PIP5K1B: variants seen among roughly 807,000 people sequenced by gnomAD.
The protein encoded by PIP5K1B is phosphatidylinositol 4-phosphate 5-kinase type-1 beta.
A neutral mutation model predicts 67.0 loss-of-function variants in PIP5K1B; 42 were observed. That is an observed-to-expected ratio of 0.63 (90% CI 0.49 to 0.81). PIP5K1B has a LOEUF of 0.81. PIP5K1B is among the 30% of genes least tolerant of loss of function. The pLI is 0.00. For missense variants in PIP5K1B, 459 were observed against 646.3 expected, an observed-to-expected ratio of 0.71 and a Z score of 3.14; for synonymous variants, 214 against 231.4, an observed-to-expected ratio of 0.92 and a Z score of 0.68.
rs770595201 is a variant in PIP5K1B at position 68,983,359 on chromosome 9, G to A, written c.1503-7781G>A. On this transcript the variant is annotated intron_variant, in intron 14 of 15. Coordinates refer to ENST00000265382, the MANE Select transcript of PIP5K1B (RefSeq NM_003558.4). ...AGGGCTTGATAAGTGTCCTGTGGAG[G>A]ATGTGGCTCATGCCTGAGATCCTAT... Among the ~76,000 whole-genome samples the A allele has an allele frequency of 2.0e-5, 3 of 152,290 alleles. No individual in the cohort carries two copies. In the East Asian group the frequency reaches 5.8e-4, roughly 29 times the overall value.
intron 2 of PIP5K1B, among the ~76,000 whole-genome samples, chr9:68,809,743 C>G (rs896447467): frequency 1.3e-5 from 2 of 152,292 alleles, no homozygotes; most frequent in Admixed American, 1.3e-4. Flanking sequence ...GCAAACGGCT[C>G]TAAGTCCAAT....
intron 14 of PIP5K1B, among the ~76,000 whole-genome samples, chr9:68,961,424 A>T (rs1828740886): frequency 6.6e-6 from 1 of 152,240 alleles, no homozygotes. Flanking sequence ...ATATACTTTA[A>T]AGCAACTAAT....
chr9:68,711,872 A>G (rs1263498927), intron 1 of PIP5K1B, among the ~76,000 whole-genome samples: 1 of 152,230 alleles, frequency 6.6e-6, no homozygotes, highest in Non-Finnish European at 1.5e-5. Context: ...CAGGGTACAG[A>G]GACAAGAATG....
At chr9:68,794,342 G>A (rs1047835375) in intron 2 of PIP5K1B, among the ~76,000 whole-genome samples, 3 of 152,176 alleles carry the variant, frequency 2.0e-5, no homozygotes, top group East Asian at 1.9e-4. Context: ...TCCTTTACAC[G>A]TATGTGATTA....
chr9:68,972,670 A>T (rs1829438392), intron 14 of PIP5K1B, among the ~76,000 whole-genome samples: 1 of 152,050 alleles, frequency 6.6e-6, no homozygotes, highest in Non-Finnish European at 1.5e-5. Flanking sequence ...AAGTATAAAA[A>T]CTTTATGTAC....
intron 3 of PIP5K1B, 127 bp from the exon 4 acceptor site, chr9:68,822,488 G>A (rs1324869444): frequency 3.2e-6 from 2 of 623,302 alleles, no homozygotes; most frequent in African/African-American, 3.8e-5. Context: ...GTCTTCCTTA[G>A]GAACAACAGC....
At chr9:68,955,109 C>T (rs1242060174) in intron 14 of PIP5K1B, among the ~76,000 whole-genome samples, 2 of 152,156 alleles carry the variant, frequency 1.3e-5, no homozygotes, top group East Asian at 3.8e-4. Context: ...GTGTATGATG[C>T]CTGCAGTAAA....
At chr9:68,974,426 C>T (rs1231965000) in intron 14 of PIP5K1B, among the ~76,000 whole-genome samples, 1 of 152,198 alleles carries the variant, frequency 6.6e-6, no homozygotes, top group Non-Finnish European at 1.5e-5. Context: ...CAGATTCTAA[C>T]ACGCCTAGCC....
At chr9:68,950,066 T>A (rs1304186310) in intron 14 of PIP5K1B, among the ~76,000 whole-genome samples, 1 of 152,204 alleles carries the variant, frequency 6.6e-6, no homozygotes, top group Non-Finnish European at 1.5e-5. Flanking sequence ...AACAAAGGTA[T>A]TTTAGGTTAG....
At chr9:69,007,623 C>A (rs541029344) in intron 15 of PIP5K1B, among the ~76,000 whole-genome samples, 16 of 152,096 alleles carry the variant, frequency 1.1e-4, no homozygotes, top group Admixed American at 7.2e-4. Context: ...TTTGGGAGGC[C>A]AAGGTGGGCG....
At chr9:68,746,076 CTTTTT>C (rs11306038) in intron 2 of PIP5K1B, among the ~76,000 whole-genome samples, 2 of 107,096 alleles carry the variant, frequency 1.9e-5, no homozygotes, top group African/African-American at 3.6e-5. Context: ...TGTGTTAACT[CTTTTT>C]TTTTTTTTTT....
intron 2 of PIP5K1B, among the ~76,000 whole-genome samples, chr9:68,807,652 C>T (rs1277624065): frequency 1.3e-5 from 2 of 152,142 alleles, no homozygotes; most frequent in African/African-American, 2.4e-5. Context: ...GGCAAACAGA[C>T]TTGTTTGTTT....
chr9:68,749,715 C>T (rs1396334361), intron 2 of PIP5K1B, among the ~76,000 whole-genome samples: 1 of 152,134 alleles, frequency 6.6e-6, no homozygotes, highest in African/African-American at 2.4e-5. Flanking sequence ...GCACTAATGA[C>T]ACTTAGGGGC....
intron 4 of PIP5K1B, among the ~76,000 whole-genome samples, chr9:68,831,829 C>A (rs898421007): frequency 6.6e-6 from 1 of 152,110 alleles, no homozygotes; most frequent in Admixed American, 6.5e-5. Context: ...GTGCCCACCA[C>A]CACGCCCAGC....
chr9:68,893,335 T>TTC (rs1047224619), intron 7 of PIP5K1B, among the ~76,000 whole-genome samples: 15 of 137,652 alleles, frequency 1.1e-4, no homozygotes, highest in African/African-American at 3.8e-4. Context: ...TTTTTTTTCT[T>TTC]TTTTTTTTTT....
At chr9:69,005,884 T>C (rs79570244) in intron 15 of PIP5K1B, among the ~76,000 whole-genome samples, 2 of 132,176 alleles carry the variant, frequency 1.5e-5, no homozygotes, top group East Asian at 3.2e-4. Context: ...TTTCTTTCTT[T>C]TTTTTTTTCT....
chr9:68,921,076 A>G (rs897787720), intron 11 of PIP5K1B, among the ~76,000 whole-genome samples: 25 of 152,118 alleles, frequency 1.6e-4, no homozygotes, highest in Admixed American at 9.8e-4. Context: ...ATAACCTTTC[A>G]GCATGAAAGA....
At chr9:68,850,179 C>A (rs1564182380) in intron 4 of PIP5K1B, among the ~76,000 whole-genome samples, 1 of 152,228 alleles carries the variant, frequency 6.6e-6, no homozygotes, top group Admixed American at 6.5e-5. Context: ...TCATCTCTGT[C>A]CATCACATCT....
intron 8 of PIP5K1B, 138 bp from the exon 9 acceptor site, chr9:68,917,410 A>G: frequency 1.4e-6 from 1 of 691,718 alleles, no homozygotes; most frequent in South Asian, 1.8e-5. Flanking sequence ...TTTTATTTTG[A>G]TTCTTCATCT....
Sources: gnomAD v4.1 joint callset for allele counts (sites outside exome capture counted in the v4.1 genomes callset) on GRCh38, gnomAD v4.1.1 for gene constraint, MANE v1.5 for transcripts, NCBI Gene and HGNC (gene_info 2026-07-23, HGNC 2026-07-21) for gene names.